Variants in HPSE2 observed in about 807,000 individuals in gnomAD.
HPSE2 encodes inactive heparanase-2.
In HPSE2, 38 loss-of-function variants were observed where a neutral mutation model predicts 60.5. The observed-to-expected ratio is 0.63, with a 90% CI of 0.48 to 0.82. The LOEUF (loss-of-function observed/expected upper bound fraction) is 0.82. HPSE2 is among the 40% of genes least tolerant of loss of function. The pLI is 0.00. For synonymous variants in HPSE2, 295 were observed against 293.2 expected (o/e 1.01, Z -0.06); for missense variants, 713 against 740.4 (o/e 0.96, Z 0.43).
At chr10:98,665,372 A>G (rs1311901067) in intron 6 of HPSE2, among the ~76,000 whole-genome samples, 2 of 152,232 alleles carry the variant, frequency 1.3e-5, no homozygotes, top group African/African-American at 2.4e-5. Context: ...TTGAAGAAAG[A>G]GTCCATGAAA....
At chr10:98,553,599 T>A (rs1222208600) in intron 9 of HPSE2, among the ~76,000 whole-genome samples, 2 of 152,176 alleles carry the variant, frequency 1.3e-5, no homozygotes, top group East Asian at 3.9e-4. Flanking sequence ...CCAGCTGAAT[T>A]TTCTACCATC....
At chr10:99,209,253 C>G (rs547752058) in intron 2 of HPSE2, among the ~76,000 whole-genome samples, 1 of 152,282 alleles carries the variant, frequency 6.6e-6, no homozygotes, top group Non-Finnish European at 1.5e-5. Flanking sequence ...ACAAACAAAT[C>G]TTAACAAATT....
At chr10:98,724,782 T>C (rs181071773) in intron 4 of HPSE2, among the ~76,000 whole-genome samples, 66 of 152,186 alleles carry the variant, frequency 4.3e-4, no homozygotes, top group African/African-American at 7.9e-4. Context: ...GAGACTAGGA[T>C]TGCAAACCCT....
chr10:98,930,942 T>C (rs1245231971), intron 3 of HPSE2, among the ~76,000 whole-genome samples: 1 of 144,446 alleles, frequency 6.9e-6, no homozygotes, highest in Non-Finnish European at 1.5e-5. Context: ...GATGATAGTT[T>C]CATTTGCTGT....
intron 3 of HPSE2, among the ~76,000 whole-genome samples, chr10:99,065,817 C>A (rs547354736): frequency 2.0e-5 from 3 of 152,192 alleles, no homozygotes; most frequent in African/African-American, 4.8e-5. Flanking sequence ...ATCCAAAATA[C>A]ATGTCTGACC....
At chr10:99,254,241 A>C in the HPSE2 span, among the ~76,000 whole-genome samples, 5 of 152,188 alleles carry the variant, frequency 3.3e-5, no homozygotes, top group Non-Finnish European at 7.4e-5. Flanking sequence ...CATAAAGAAA[A>C]CAAAATCACA....
chr10:99,257,223 T>C, the HPSE2 span, among the ~76,000 whole-genome samples: 1 of 152,260 alleles, frequency 6.6e-6, no homozygotes, highest in African/African-American at 2.4e-5. Flanking sequence ...TTGAACAATA[T>C]GAAATCTGGG....
the HPSE2 span, among the ~76,000 whole-genome samples, chr10:99,265,307 T>G: frequency 6.6e-6 from 1 of 152,214 alleles, no homozygotes; most frequent in Non-Finnish European, 1.5e-5. Context: ...TCAGTCCACC[T>G]GCACCCAGGT....
At chr10:99,186,560 A>G (rs1848036581) in intron 2 of HPSE2, among the ~76,000 whole-genome samples, 1 of 150,806 alleles carries the variant, frequency 6.6e-6, no homozygotes, top group East Asian at 1.9e-4. Flanking sequence ...AAAAAAAAAA[A>G]AAAAAAAAAA....
intron 3 of HPSE2, among the ~76,000 whole-genome samples, chr10:98,974,770 A>T (rs1188226449): frequency 6.6e-6 from 1 of 152,130 alleles, no homozygotes; most frequent in Non-Finnish European, 1.5e-5. Context: ...TCATTATAAA[A>T]ATTGTATCAC....
At chr10:98,621,203 G>T (rs10883151) in intron 7 of HPSE2, among the ~76,000 whole-genome samples, 68,467 of 151,756 alleles carry the variant, frequency 0.45, 18,438 homozygotes, top group Non-Finnish European at 0.61. Flanking sequence ...ACTAGTCCAG[G>T]TATATTGTAA....
intron 3 of HPSE2, among the ~76,000 whole-genome samples, chr10:99,079,523 A>G (rs1843060434): frequency 1.3e-5 from 2 of 152,022 alleles, no homozygotes; most frequent in South Asian, 4.2e-4. Flanking sequence ...GGAGTTATTC[A>G]CCTATTCACT....
At chr10:98,488,913 G>GC (rs1049700506) in intron 10 of HPSE2, among the ~76,000 whole-genome samples, 191 of 152,090 alleles carry the variant, frequency 1.3e-3, no homozygotes, top group Middle Eastern at 0.01. Flanking sequence ...ACTGGCCCCT[G>GC]CCCCCCCTCT....
intron 3 of HPSE2, among the ~76,000 whole-genome samples, chr10:99,105,597 G>A (rs1237293889): frequency 6.0e-5 from 9 of 150,752 alleles, no homozygotes. Flanking sequence ...TTTCTTAATA[G>A]TGTCTTTTGA....
chr10:98,756,259 G>C (rs1356288117), intron 3 of HPSE2, among the ~76,000 whole-genome samples: 2 of 151,950 alleles, frequency 1.3e-5, no homozygotes, highest in African/African-American at 2.4e-5. Context: ...ATCACACCTA[G>C]AGGAACAAGG....
intron 3 of HPSE2, among the ~76,000 whole-genome samples, chr10:99,004,995 C>T (rs966028581): frequency 1.3e-5 from 2 of 152,138 alleles, no homozygotes; most frequent in African/African-American, 2.4e-5. Context: ...TATAAAGTTT[C>T]TGCTCAGAAG....
chr10:98,462,911 C>G (rs1266194748), intron 11 of HPSE2, among the ~76,000 whole-genome samples: 1 of 151,944 alleles, frequency 6.6e-6, no homozygotes, highest in Non-Finnish European at 1.5e-5. Flanking sequence ...TTCAAAGTCA[C>G]TAGGTCCAAA....
chr10:98,908,056 G>C (rs1258873219), intron 3 of HPSE2, among the ~76,000 whole-genome samples: 1 of 152,154 alleles, frequency 6.6e-6, no homozygotes, highest in Admixed American at 6.5e-5. Flanking sequence ...GAAAGCATAA[G>C]ACTGATGAGT....
chr10:98,949,225 AAC>A (rs1955280042), intron 3 of HPSE2, among the ~76,000 whole-genome samples: 1 of 143,020 alleles, frequency 7.0e-6, no homozygotes, highest in African/African-American at 2.7e-5. Flanking sequence ...GTAATCCTCC[AAC>A]ACGCACACGC....
Sources: gnomAD v4.1 joint callset for allele counts (sites outside exome capture counted in the v4.1 genomes callset) on GRCh38, gnomAD v4.1.1 for gene constraint, MANE v1.5 for transcripts, NCBI Gene and HGNC (gene_info 2026-07-23, HGNC 2026-07-21) for gene names.